KCNU1: variants seen among roughly 807,000 people sequenced by gnomAD.
KCNU1 encodes potassium calcium-activated channel subfamily U member 1, also known as potassium channel subfamily U member 1.
Under a neutral mutation model 126.8 loss-of-function variants are expected in KCNU1, and 93 were observed. The observed-to-expected ratio is 0.73, with a 90% CI of 0.62 to 0.87. The LOEUF is 0.87. Ranked by LOEUF, KCNU1 falls within the 40% of genes least tolerant of loss-of-function variation. KCNU1 has a pLI of 0.00. For synonymous variants in KCNU1, 523 were observed against 494.2 expected, an observed-to-expected ratio of 1.06 and a Z score of -0.77; for missense variants, 1,330 against 1,367.1, an observed-to-expected ratio of 0.97 and a Z score of 0.43.
chr8:36,808,106 A>T (rs1803573765), intron 6 of KCNU1, among the ~76,000 whole-genome samples: 1 of 152,162 alleles, frequency 6.6e-6, no homozygotes, highest in African/African-American at 2.4e-5. Flanking sequence ...ATTATGGAGA[A>T]GCTGGAGGAG....
intron 12 of KCNU1, among the ~76,000 whole-genome samples, 162 bp from the exon 13 acceptor site, chr8:36,836,134 G>C (rs1459860121): frequency 6.6e-6 from 1 of 152,092 alleles, no homozygotes; most frequent in African/African-American, 2.4e-5. Flanking sequence ...CTTCTGTGTA[G>C]GCTACTAAAA....
intron 24 of KCNU1, among the ~76,000 whole-genome samples, chr8:36,929,739 A>G (rs1451223351): frequency 6.6e-6 from 1 of 152,138 alleles, no homozygotes; most frequent in Non-Finnish European, 1.5e-5. Flanking sequence ...GGAGGAAACA[A>G]GCCTGGGAAG....
chr8:36,870,723 G>T (rs899992404), intron 19 of KCNU1, among the ~76,000 whole-genome samples: 2 of 152,056 alleles, frequency 1.3e-5, no homozygotes, highest in East Asian at 3.9e-4. Flanking sequence ...GACAAGCATA[G>T]GCTTTCCTAT....
In KCNU1 at chr8:36,835,321, A is replaced by G. The variant is rs79653406; in HGVS notation, c.1295+453A>G. The stretch of plus-strand genomic sequence containing the variant: ...ATGACGTGCTTTTTGTTTGACCATC[A>G]GTAAGTATTCTCTTTTCTTTTCTTT... On this transcript the variant is annotated intron_variant, in intron 12 of 26. Transcript: ENST00000399881. Among the ~76,000 whole-genome samples, 749 of 150,924 alleles carry G rather than the reference A, an allele frequency of 5.0e-3. 8 individuals carry two copies. The highest frequency in any genetic ancestry group is 0.017 in the African/African-American group (710 of 41,212).
intron 10 of KCNU1, among the ~76,000 whole-genome samples, chr8:36,821,359 A>G (rs1021259940): frequency 2.0e-5 from 3 of 152,042 alleles, no homozygotes; most frequent in African/African-American, 7.2e-5. Context: ...TACAACCCCT[A>G]CCACTTTTGA....
At chr8:36,845,960 G>T in intron 18 of KCNU1, 61 bp downstream of exon 18, 1 of 981,748 alleles carries the variant, frequency 1.0e-6, no homozygotes. Flanking sequence ...CCTGACGAAA[G>T]AGAAGAGGGT....
intron 18 of KCNU1, among the ~76,000 whole-genome samples, chr8:36,862,237 C>G (rs778085457): frequency 6.6e-6 from 1 of 152,022 alleles, no homozygotes; most frequent in Non-Finnish European, 1.5e-5. Flanking sequence ...ATAAAATGAT[C>G]AAACAGAATG....
Position 36,922,589 on chromosome 8 carries a change from C to T in KCNU1, c.2696C>T (p.Thr899Ile), listed in dbSNP as rs745941211. Residue 899 changes from threonine to isoleucine, a missense_variant, in exon 24 of 27, where the codon ACT becomes ATT. Physicochemically the swap from Thr to Ile is moderately conservative, Grantham distance 89 (BLOSUM62 -1). Around this residue, in one of 3 missense-constraint regions of KCNU1, gnomAD observed 1,054 missense variants for 1,053.9 expected, o/e 1.00. Coordinates refer to ENST00000399881, the MANE Select transcript of KCNU1 (RefSeq NM_001031836.3). ...LHLSTAFSTG[T>I]VFSGSFLDSL... Reference sequence around the variant, plus strand: ...CTCAGCACTGCCTTTTCTACGGGCACTGTTTTTTCCGGCAGCTTCTTGGAT... The same window carrying T: ...CTCAGCACTGCCTTTTCTACGGGCATTGTTTTTTCCGGCAGCTTCTTGGAT... 12 of 1,613,694 alleles carry T rather than the reference C, an allele frequency of 7.4e-6. No individual in the cohort carries two copies. Among genetic ancestry groups the T allele is most frequent in the Non-Finnish European group, 1.0e-5 (12 of 1,179,760 alleles).
chr8:36,870,430 C>A (rs370586868), intron 19 of KCNU1, among the ~76,000 whole-genome samples: 89 of 152,254 alleles, frequency 5.8e-4, no homozygotes, highest in African/African-American at 2.1e-3. Flanking sequence ...AGCCCTTCCT[C>A]CCTTTTTACT....
chr8:36,873,318 A>G (rs1417593262), intron 19 of KCNU1, among the ~76,000 whole-genome samples: 1 of 151,618 alleles, frequency 6.6e-6, no homozygotes, highest in African/African-American at 2.4e-5. Flanking sequence ...TTCTCCACCT[A>G]TATTAGACCC....
Position 36,784,379 on chromosome 8 carries a change from A to G in KCNU1, c.-32A>G. 1.3e-6 allele frequency: 2 copies of G among 1,565,170 alleles called. No homozygotes were observed. The highest frequency in any genetic ancestry group is 1.7e-6 in the Non-Finnish European group (2 of 1,146,198). On this transcript the variant is annotated 5_prime_UTR_variant, in exon 1 of 27. Transcript: ENST00000399881. ...CAGGCGACCACGGCGTCATCAAATG[A>G]CCTGGCAATTCCGTCTACTGATGTC...
chr8:36,904,995 T>G (rs1807566839), intron 19 of KCNU1, among the ~76,000 whole-genome samples: 1 of 152,142 alleles, frequency 6.6e-6, no homozygotes, highest in South Asian at 2.1e-4. Flanking sequence ...TTGACAAGGG[T>G]TTTCTTATTC....
intron 18 of KCNU1, among the ~76,000 whole-genome samples, chr8:36,858,704 C>T (rs376089724): frequency 5.8e-4 from 88 of 152,226 alleles, no homozygotes; most frequent in African/African-American, 2.1e-3. Flanking sequence ...TATTTTAAAA[C>T]AGGAAGTTGC....
Position 36,904,584 on chromosome 8 carries a change from G to A in KCNU1, c.2010-1124G>A, listed in dbSNP as rs150720210. ...CAGAAATGCTCACTGAACATTTCAA[G>A]TTACTTCCCATGTTCCCCAGGCCTC... On this transcript the variant is annotated intron_variant, in intron 19 of 26. Coordinates refer to ENST00000399881, the MANE Select transcript of KCNU1 (RefSeq NM_001031836.3). Among the ~76,000 whole-genome samples, 140 of 152,292 alleles carry A rather than the reference G, an allele frequency of 9.2e-4. 6 individuals carry two copies. The East Asian group carries it at 0.017, about 19-fold the overall frequency.
At chr8:36,909,640 C>A in intron 21 of KCNU1, 105 bp downstream of exon 21, 1 of 689,198 alleles carries the variant, frequency 1.5e-6, no homozygotes, top group Non-Finnish European at 2.4e-6. Context: ...TGCCAGATGC[C>A]AGAAACTGTT....
intron 16 of KCNU1, among the ~76,000 whole-genome samples, chr8:36,841,766 A>G (rs2130580431): frequency 6.6e-6 from 1 of 152,250 alleles, no homozygotes; most frequent in East Asian, 1.9e-4. Context: ...CGACCGGACA[A>G]AGGCTTTTGT....
intron 19 of KCNU1, among the ~76,000 whole-genome samples, chr8:36,879,209 G>GTATATATATATATATATATATA (rs1429299814): frequency 1.8e-4 from 16 of 86,684 alleles, no homozygotes; most frequent in East Asian, 3.3e-4. Context: ...GTGTGTGTGT[G>GTATATATATATATATATATATA]TGTATATATA....
chr8:36,833,940 A>G (rs1392100351), intron 11 of KCNU1, among the ~76,000 whole-genome samples: 1 of 152,194 alleles, frequency 6.6e-6, no homozygotes, highest in Non-Finnish European at 1.5e-5. Context: ...TATCAGCCTA[A>G]GAGGTCTGAA....
At chr8:36,785,124 C>T (rs773544217) in intron 1 of KCNU1, among the ~76,000 whole-genome samples, 6 of 152,196 alleles carry the variant, frequency 3.9e-5, no homozygotes, top group South Asian at 2.1e-4. Flanking sequence ...CCTGTGCCAT[C>T]CAGGCATAGA....
Sources: allele counts gnomAD v4.1 joint callset (sites outside exome capture counted in the v4.1 genomes callset), GRCh38; gene constraint gnomAD v4.1.1; regional missense constraint gnomAD v4.1.1; transcripts MANE v1.5; gene names NCBI Gene and HGNC (gene_info 2026-07-23, HGNC 2026-07-21).